The following SLC41A2 variants were observed in gnomAD, a reference collection of about 807,000 sequenced individuals.
SLC41A2 encodes SLC41A1-like 1.
In SLC41A2, 32 loss-of-function variants were observed where a neutral mutation model predicts 58.3. That is an observed-to-expected ratio of 0.55 (90% CI 0.41 to 0.74). The LOEUF is 0.74. SLC41A2 is among the 30% of genes least tolerant of loss of function. The probability of loss-of-function intolerance (pLI) is 0.00; values close to 1 mark genes in which losing one functional copy is unlikely to be tolerated. For synonymous variants in SLC41A2, 190 were observed against 235.0 expected (o/e 0.81, Z 1.75); for missense variants, 514 against 680.6 (o/e 0.76, Z 2.72).
At chr12:104,852,880 A>G (rs181819871) in intron 8 of SLC41A2, among the ~76,000 whole-genome samples, 19 of 152,298 alleles carry the variant, frequency 1.2e-4, no homozygotes, top group Non-Finnish European at 2.6e-4. Context: ...GACATACACT[A>G]TGTTTCTACT....
chr12:104,833,503 A>G (rs957314709), intron 10 of SLC41A2, among the ~76,000 whole-genome samples: 1 of 152,206 alleles, frequency 6.6e-6, no homozygotes, highest in Non-Finnish European at 1.5e-5. Flanking sequence ...TACAATAGTA[A>G]GTAAAAATTC....
intron 1 of SLC41A2, among the ~76,000 whole-genome samples, chr12:104,951,009 T>A (rs1036169128): frequency 4.6e-5 from 7 of 152,230 alleles, no homozygotes; most frequent in African/African-American, 1.7e-4. Flanking sequence ...TACATATTTT[T>A]ATATTATTTG....
chr12:104,868,250 A>C (rs1213355045), intron 6 of SLC41A2, among the ~76,000 whole-genome samples: 2 of 152,194 alleles, frequency 1.3e-5, no homozygotes, highest in Non-Finnish European at 2.9e-5. Flanking sequence ...TAAGGTTGCC[A>C]ATAATTTCTT....
intron 1 of SLC41A2, among the ~76,000 whole-genome samples, chr12:104,931,054 G>A (rs2047032243): frequency 6.6e-6 from 1 of 152,194 alleles, no homozygotes. Flanking sequence ...AAAACAGAGT[G>A]CCTCCTGGAA....
chr12:104,923,126 G>T (rs957382683), intron 2 of SLC41A2, among the ~76,000 whole-genome samples: 1 of 149,952 alleles, frequency 6.7e-6, no homozygotes, highest in Non-Finnish European at 1.5e-5. Context: ...ACTTTGGGAG[G>T]CCGAGGCGTG....
chr12:104,866,726 T>G (rs1415066112), intron 6 of SLC41A2, 147 bp from the exon 7 acceptor site: 2 of 593,526 alleles, frequency 3.4e-6, no homozygotes, highest in Non-Finnish European at 5.3e-6. Flanking sequence ...TCAAACAAAT[T>G]TATAACTGTA....
chr12:104,851,572 G>T (rs1473494583), intron 8 of SLC41A2, among the ~76,000 whole-genome samples: 1 of 151,950 alleles, frequency 6.6e-6, no homozygotes, highest in African/African-American at 2.4e-5. Flanking sequence ...ATTTTTTTTA[G>T]AGATGGGGTC....
intron 10 of SLC41A2, among the ~76,000 whole-genome samples, chr12:104,839,535 GCT>G (rs1316906267): frequency 7.0e-6 from 1 of 143,488 alleles, no homozygotes; most frequent in Non-Finnish European, 1.5e-5. Flanking sequence ...ATGGAGTCTC[GCT>G]CTGTCACCCA....
At chr12:104,820,056 C>A (rs1334069913) in intron 10 of SLC41A2, among the ~76,000 whole-genome samples, 3 of 152,186 alleles carry the variant, frequency 2.0e-5, no homozygotes, top group Non-Finnish European at 4.4e-5. Flanking sequence ...AGTGTCAGCT[C>A]CCTTCCCTCC....
intron 1 of SLC41A2, among the ~76,000 whole-genome samples, chr12:104,932,518 G>C (rs775608139): frequency 6.6e-6 from 1 of 151,464 alleles, no homozygotes; most frequent in Non-Finnish European, 1.5e-5. Flanking sequence ...CCAGCTACTC[G>C]GGAGGCTGAG....
At chr12:104,888,266 A>C (rs947554375) in intron 5 of SLC41A2, among the ~76,000 whole-genome samples, 11 of 152,076 alleles carry the variant, frequency 7.2e-5, no homozygotes, top group African/African-American at 2.7e-4. Flanking sequence ...TTATAATTTT[A>C]ATAAGATTCC....
chr12:104,873,481 A>G (rs1190731893), intron 6 of SLC41A2, among the ~76,000 whole-genome samples: 2 of 152,240 alleles, frequency 1.3e-5, no homozygotes, highest in Admixed American at 6.5e-5. Flanking sequence ...TAATGCTGCA[A>G]TGGACATGGG....
chr12:104,837,537 T>C (rs1331774447), intron 10 of SLC41A2, among the ~76,000 whole-genome samples: 2 of 152,088 alleles, frequency 1.3e-5, no homozygotes, highest in Non-Finnish European at 2.9e-5. Flanking sequence ...TAACTGGAGA[T>C]GTAGAACAGG....
intron 1 of SLC41A2, among the ~76,000 whole-genome samples, chr12:104,949,341 G>A (rs1308722019): frequency 6.6e-6 from 1 of 152,088 alleles, no homozygotes; most frequent in Non-Finnish European, 1.5e-5. Flanking sequence ...GAAGAAATAA[G>A]GGAACACTTA....
chr12:104,851,345 A>AT (rs1198858393), intron 8 of SLC41A2, among the ~76,000 whole-genome samples: 1 of 152,050 alleles, frequency 6.6e-6, no homozygotes, highest in Non-Finnish European at 1.5e-5. Flanking sequence ...TATGAAAGAG[A>AT]ATAAATCATT....
chr12:104,913,592 A>G (rs1003970495), intron 2 of SLC41A2, among the ~76,000 whole-genome samples: 1 of 152,136 alleles, frequency 6.6e-6, no homozygotes, highest in Admixed American at 6.5e-5. Context: ...AGCATATTAA[A>G]TACGTACATT....
At chr12:104,936,792 A>C (rs2135927596) in intron 1 of SLC41A2, among the ~76,000 whole-genome samples, 1 of 152,374 alleles carries the variant, frequency 6.6e-6, no homozygotes, top group Admixed American at 6.5e-5. Context: ...TTTAATAAAA[A>C]GGTTTTTAAA....
In SLC41A2 at chr12:104,803,066, G is replaced by A. The variant is rs141331124; in HGVS notation, c.*2086C>T. On this transcript the variant is annotated 3_prime_UTR_variant, in exon 11 of 11. Coordinates refer to ENST00000258538, the MANE Select transcript of SLC41A2 (RefSeq NM_001352171.3). ...ACTACTGTGAGTATTAAATGATATT[G>A]TGTGTTTGTGCACTGGAATGTGTAA... is the stretch of plus-strand genomic sequence containing the variant. 2.1e-3 allele frequency: 313 copies of A among 152,222 alleles called. 1 individual carries two copies. Among genetic ancestry groups the A allele is most frequent in the African/African-American group, 7.1e-3 (293 of 41,546 alleles). 9.4% of individuals were successfully genotyped at this position (152,222 alleles called of 1,614,324 possible). A position where few individuals can be genotyped will look rare whatever the true frequency, so the allele number is the denominator to read the frequency against.
intron 10 of SLC41A2, among the ~76,000 whole-genome samples, chr12:104,833,234 T>C (rs773018215): frequency 1.3e-5 from 2 of 152,216 alleles, no homozygotes; most frequent in African/African-American, 4.8e-5. Context: ...ACTTGCCTCA[T>C]TGAACATGCT....
Sources: gnomAD v4.1 joint callset for allele counts (sites outside exome capture counted in the v4.1 genomes callset) on GRCh38, gnomAD v4.1.1 for gene constraint, MANE v1.5 for transcripts, NCBI Gene and HGNC (gene_info 2026-07-23, HGNC 2026-07-21) for gene names.